Variants in ST6GALNAC3 observed in about 807,000 individuals in gnomAD.
The protein encoded by ST6GALNAC3 is ST6 N-acetylgalactosaminide alpha-2,6-sialyltransferase 3, also known as alpha-N-acetylgalactosaminide alpha-2,6-sialyltransferase 3.
In ST6GALNAC3, 25 loss-of-function variants were observed where a neutral mutation model predicts 32.7. That is an observed-to-expected ratio of 0.76 (90% CI 0.56 to 1.07). The LOEUF is 1.07. Ranked by LOEUF, ST6GALNAC3 falls within the 50% of genes least tolerant of loss-of-function variation. ST6GALNAC3 has a pLI of 0.00. For missense variants in ST6GALNAC3, 355 were observed against 382.4 expected (o/e 0.93, Z 0.60); for synonymous variants, 129 against 133.1 (o/e 0.97, Z 0.21).
intron 1 of ST6GALNAC3, among the ~76,000 whole-genome samples, chr1:76,230,378 G>A (rs1656303815): frequency 1.3e-5 from 2 of 152,038 alleles, no homozygotes; most frequent in South Asian, 4.1e-4. Context: ...AGCTTTAATA[G>A]GATGAAAGAA....
chr1:76,350,955 T>C (rs1648926943), intron 2 of ST6GALNAC3, among the ~76,000 whole-genome samples: 1 of 152,190 alleles, frequency 6.6e-6, no homozygotes, highest in Admixed American at 6.5e-5. Context: ...CTTCTCTAAC[T>C]CCTTGCTTAT....
chr1:76,518,962 A>C (rs1662343633), intron 3 of ST6GALNAC3, among the ~76,000 whole-genome samples: 2 of 152,164 alleles, frequency 1.3e-5, no homozygotes, highest in Non-Finnish European at 2.9e-5. Flanking sequence ...GCTACTCAGG[A>C]GGCTAAGGCA....
intron 3 of ST6GALNAC3, among the ~76,000 whole-genome samples, chr1:76,445,917 A>G (rs1475546736): frequency 2.6e-5 from 4 of 152,132 alleles, no homozygotes; most frequent in Non-Finnish European, 5.9e-5. Flanking sequence ...ATATACATAT[A>G]CTTCTGTGCC....
At chr1:76,373,484 C>T (rs368014085) in intron 2 of ST6GALNAC3, among the ~76,000 whole-genome samples, 3 of 152,204 alleles carry the variant, frequency 2.0e-5, no homozygotes, top group East Asian at 3.9e-4. Context: ...AGAAGATTCC[C>T]AAGGACAGAA....
rs1649297449 is a variant in ST6GALNAC3, at chr1:76,631,509, T to C, written c.*2703T>C. On this transcript the variant is annotated 3_prime_UTR_variant, in exon 5 of 5. Transcript: ENST00000328299. ...AAATTTTTCATCTATGATTTGCTGA[T>C]AGAGAAGAGCTTGGTAAGGGAGCAA... The C allele has an allele frequency of 6.6e-6, 1 of 152,046 alleles. No individual in the cohort carries two copies. The highest frequency in any genetic ancestry group is 1.5e-5 in the Non-Finnish European group (1 of 67,976). 9.4% of individuals were successfully genotyped at this position (152,046 alleles called of 1,614,324 possible).
rs185320094 is a variant in ST6GALNAC3, at chr1:76,478,954, G to A, written c.623+66537G>A. Among the ~76,000 whole-genome samples, 351 of 151,688 alleles carry A rather than the reference G, an allele frequency of 2.3e-3. 3 individuals carry two copies. Among genetic ancestry groups the A allele is most frequent in the Non-Finnish European group, 2.2e-3 (149 of 67,868 alleles). Reference sequence around the variant, plus strand: ...ATTTTTTTGTATTTTTAGTAGAGACGGGGTTTCACTGTGTTAGACAGGATG... The same window carrying A: ...ATTTTTTTGTATTTTTAGTAGAGACAGGGTTTCACTGTGTTAGACAGGATG... On this transcript the variant is annotated intron_variant, in intron 3 of 4. Coordinates refer to ENST00000328299, the MANE Select transcript of ST6GALNAC3 (RefSeq NM_152996.4).
At chr1:76,220,945 T>C (rs1266167156) in intron 1 of ST6GALNAC3, among the ~76,000 whole-genome samples, 1 of 152,216 alleles carries the variant, frequency 6.6e-6, no homozygotes, top group Non-Finnish European at 1.5e-5. Context: ...AAGGTAACAG[T>C]TGTCACATAG....
intron 2 of ST6GALNAC3, among the ~76,000 whole-genome samples, chr1:76,352,150 C>T (rs1315217950): frequency 6.6e-6 from 1 of 152,090 alleles, no homozygotes; most frequent in Non-Finnish European, 1.5e-5. Flanking sequence ...TTGAATACCA[C>T]CATTGATTAG....
At chr1:76,450,047 G>A (rs752217556) in intron 3 of ST6GALNAC3, among the ~76,000 whole-genome samples, 1 of 152,174 alleles carries the variant, frequency 6.6e-6, no homozygotes. Context: ...GCATATGCAA[G>A]TATCTTTTTC....
At chr1:76,577,297 G>A (rs1646826862) in intron 3 of ST6GALNAC3, 2 of 987,998 alleles carry the variant, frequency 2.0e-6, no homozygotes, top group Non-Finnish European at 2.4e-6. Context: ...TTGTAGAAAA[G>A]GCCATGCTAG....
intron 1 of ST6GALNAC3, among the ~76,000 whole-genome samples, chr1:76,205,012 C>T (rs2100552635): frequency 6.6e-6 from 1 of 152,286 alleles, no homozygotes; most frequent in South Asian, 2.1e-4. Flanking sequence ...ACTTCCCTTC[C>T]ACTGCTGTTA....
intron 1 of ST6GALNAC3, among the ~76,000 whole-genome samples, chr1:76,131,708 C>T (rs545134401): frequency 1.3e-5 from 2 of 152,258 alleles, no homozygotes; most frequent in East Asian, 1.9e-4. Flanking sequence ...TTGATGCACT[C>T]CTGCTTGCAC....
chr1:76,146,776 G>A (rs1057181333), intron 1 of ST6GALNAC3, among the ~76,000 whole-genome samples: 4 of 152,164 alleles, frequency 2.6e-5, no homozygotes, highest in South Asian at 4.1e-4. Flanking sequence ...TGTTGGTTTA[G>A]CCTCAGGACA....
intron 3 of ST6GALNAC3, among the ~76,000 whole-genome samples, chr1:76,445,028 G>A (rs1406505399): frequency 1.3e-5 from 2 of 152,196 alleles, no homozygotes; most frequent in African/African-American, 4.8e-5. Context: ...TCTAAAGCAA[G>A]GGAACATTAT....
chr1:76,096,819 C>T (rs184916920), intron 1 of ST6GALNAC3, among the ~76,000 whole-genome samples: 163 of 151,968 alleles, frequency 1.1e-3, no homozygotes, highest in Non-Finnish European at 1.6e-3. Context: ...AGCAAATAAA[C>T]GAAGTTCTTA....
intron 1 of ST6GALNAC3, among the ~76,000 whole-genome samples, chr1:76,213,052 T>C (rs1655255760): frequency 6.6e-6 from 1 of 152,244 alleles, no homozygotes; most frequent in African/African-American, 2.4e-5. Flanking sequence ...AGCTGTTCTA[T>C]TTTTCAAATA....
chr1:76,354,149 G>A (rs1649243455), intron 2 of ST6GALNAC3: 1 of 152,918 alleles, frequency 6.5e-6, no homozygotes. Flanking sequence ...TGCTGCTGTT[G>A]CTACCACTGC....
chr1:76,393,023 G>A (rs1314674188), intron 2 of ST6GALNAC3, among the ~76,000 whole-genome samples: 3 of 152,080 alleles, frequency 2.0e-5, no homozygotes, highest in Non-Finnish European at 4.4e-5. Context: ...ACTGCCATCT[G>A]GTTATCCATA....
intron 3 of ST6GALNAC3, among the ~76,000 whole-genome samples, chr1:76,458,668 A>G (rs1001128423): frequency 2.7e-5 from 4 of 146,540 alleles, no homozygotes; most frequent in African/African-American, 1.0e-4. Flanking sequence ...TCTCACTCAT[A>G]GGTGGGAATT....
Sources: gnomAD v4.1 joint callset for allele counts (sites outside exome capture counted in the v4.1 genomes callset) on GRCh38, gnomAD v4.1.1 for gene constraint, MANE v1.5 for transcripts, NCBI Gene and HGNC (gene_info 2026-07-23, HGNC 2026-07-21) for gene names.